TP63: variants seen among roughly 807,000 people sequenced by gnomAD.
TP63 encodes tumor protein 63.
Under a neutral mutation model 82.8 loss-of-function variants are expected in TP63, and 17 were observed. The ratio of observed to expected loss-of-function variants is 0.21; its 90% CI spans 0.14 to 0.31. TP63 has a LOEUF of 0.31. Among genes scored for constraint, TP63 ranks in the 10% least tolerant of loss-of-function variants. TP63 has a pLI of 1.00. For missense variants in TP63, 648 were observed against 895.3 expected (o/e 0.72, Z 3.52); for synonymous variants, 330 against 321.7 (o/e 1.03, Z -0.28).
intron 3 of TP63, among the ~76,000 whole-genome samples, chr3:189,757,303 G>A (rs1433919024): frequency 6.6e-6 from 1 of 152,212 alleles, no homozygotes; most frequent in Non-Finnish European, 1.5e-5. Flanking sequence ...GAAGAGGTCA[G>A]GCTCCAGAGA....
chr3:189,725,900 C>A (rs866765909), intron 1 of TP63, among the ~76,000 whole-genome samples: 8 of 152,064 alleles, frequency 5.3e-5, no homozygotes, highest in Non-Finnish European at 1.2e-4. Flanking sequence ...CTAAAAAATA[C>A]AAAAATCAGC....
chr3:189,606,504 CAT>C, the TP63 span, among the ~76,000 whole-genome samples: 23 of 122,086 alleles, frequency 1.9e-4, no homozygotes, highest in African/African-American at 6.9e-4. Context: ...CTAAGATGGC[CAT>C]TTTTTTTTTT....
At chr3:189,752,672 C>G (rs959751395) in intron 3 of TP63, among the ~76,000 whole-genome samples, 1 of 151,976 alleles carries the variant, frequency 6.6e-6, no homozygotes, top group Admixed American at 6.5e-5. Flanking sequence ...TTGATTATTT[C>G]CGGCCTTATT....
intron 1 of TP63, among the ~76,000 whole-genome samples, chr3:189,728,051 G>A (rs1007771027): frequency 6.6e-6 from 1 of 152,068 alleles, no homozygotes; most frequent in Non-Finnish European, 1.5e-5. Context: ...TTGCAAAAGT[G>A]TTGACTGTAC....
rs2108874561 is a variant in TP63 at position 189,894,425 on chromosome 3, G to C, written c.1966G>C (p.Asp656His). ...LRQTISFPPR[D>H]EWNDFNFDMD... is the part of the protein sequence containing the mutation. ...CCAGACCATCTCTTTCCCACCCCGAGATGAGTGGAATGACTTCAACTTTGA... is the reference window on the plus strand; with the variant it reads ...CCAGACCATCTCTTTCCCACCCCGACATGAGTGGAATGACTTCAACTTTGA... Residue 656 changes from aspartate to histidine, a missense_variant, in exon 14 of 14, where the codon GAT becomes CAT. Physicochemically the swap from Asp to His is moderately conservative, Grantham distance 81 (BLOSUM62 -1). This residue lies in a region of TP63 where 342 missense variants were observed against 425.7 expected (regional missense o/e 0.80). Transcript: ENST00000264731. 2.5e-6 allele frequency: 4 copies of C among 1,614,096 alleles called. No individual in the cohort carries two copies. The highest frequency in any genetic ancestry group is 2.5e-6 in the Non-Finnish European group (3 of 1,180,004).
At chr3:189,800,268 A>G (rs1465128260) in intron 3 of TP63, among the ~76,000 whole-genome samples, 1 of 152,068 alleles carries the variant, frequency 6.6e-6, no homozygotes, top group Non-Finnish European at 1.5e-5. Context: ...AGAGTTTCAA[A>G]TAGTGCCTCA....
intron 3 of TP63, among the ~76,000 whole-genome samples, chr3:189,750,043 G>C (rs1192000067): frequency 6.6e-6 from 1 of 150,402 alleles, no homozygotes; most frequent in East Asian, 2.0e-4. Context: ...AGAATCGCTT[G>C]AGCCTGGGAG....
At chr3:189,824,788 C>T (rs989427086) in intron 4 of TP63, among the ~76,000 whole-genome samples, 5 of 151,352 alleles carry the variant, frequency 3.3e-5, no homozygotes, top group Non-Finnish European at 5.9e-5. Context: ...GCTAATGTCT[C>T]CAGTTTTATG....
chr3:189,697,990 A>G (rs1717520108), intron 1 of TP63, among the ~76,000 whole-genome samples: 1 of 152,048 alleles, frequency 6.6e-6, no homozygotes, highest in African/African-American at 2.4e-5. Context: ...AACCAGTTTT[A>G]TATATTTCTT....
chr3:189,793,163 C>G (rs1270064222), intron 3 of TP63, among the ~76,000 whole-genome samples: 1 of 151,880 alleles, frequency 6.6e-6, no homozygotes, highest in Non-Finnish European at 1.5e-5. Flanking sequence ...CCAGAGGGAA[C>G]TAGGAGAAAG....
chr3:189,597,967 TAGA>T, the TP63 span, among the ~76,000 whole-genome samples: 1 of 148,058 alleles, frequency 6.8e-6, no homozygotes, highest in African/African-American at 2.5e-5. Flanking sequence ...TTTTGAAAAA[TAGA>T]AGGAGATGTA....
chr3:189,625,167 C>T, the TP63 span, among the ~76,000 whole-genome samples: 1 of 152,148 alleles, frequency 6.6e-6, no homozygotes, highest in Non-Finnish European at 1.5e-5. Flanking sequence ...AGGTACTTCC[C>T]TGGACCTTGG....
chr3:189,737,926 G>T (rs1442090119), intron 2 of TP63, 58 bp downstream of exon 2: 4 of 1,607,416 alleles, frequency 2.5e-6, no homozygotes, highest in African/African-American at 1.3e-5. Flanking sequence ...AATGTGGGTG[G>T]TCAAAATATT....
the TP63 span, among the ~76,000 whole-genome samples, chr3:189,606,638 G>A: frequency 1.7e-4 from 25 of 147,302 alleles, no homozygotes; most frequent in Non-Finnish European, 2.2e-4. Flanking sequence ...CTCAGCCTCC[G>A]TTGCACCACC....
intron 3 of TP63, among the ~76,000 whole-genome samples, chr3:189,746,723 T>C (rs544591784): frequency 2.0e-5 from 3 of 151,550 alleles, no homozygotes; most frequent in African/African-American, 7.2e-5. Flanking sequence ...AAATGGAATA[T>C]ACTTTCCACT....
upstream of TP63, among the ~76,000 whole-genome samples, chr3:189,627,223 C>T (rs1348929564): frequency 1.3e-5 from 2 of 152,280 alleles, no homozygotes; most frequent in Admixed American, 1.3e-4. Context: ...AGAACAAGTT[C>T]TGGGATATGT....
chr3:189,641,400 G>A (rs1432717696), intron 1 of TP63, among the ~76,000 whole-genome samples: 1 of 152,036 alleles, frequency 6.6e-6, no homozygotes, highest in Non-Finnish European at 1.5e-5. Flanking sequence ...AAGTAATTGT[G>A]ACTTGCTACT....
chr3:189,778,985 G>A (rs1041471727), intron 3 of TP63, among the ~76,000 whole-genome samples: 5 of 151,402 alleles, frequency 3.3e-5, no homozygotes, highest in East Asian at 3.9e-4. Context: ...CCCATAGCTC[G>A]TGTGTGTGTG....
intron 1 of TP63, among the ~76,000 whole-genome samples, chr3:189,719,048 C>T (rs1423561163): frequency 1.3e-5 from 2 of 151,916 alleles, no homozygotes; most frequent in East Asian, 1.9e-4. Context: ...ACAAATTTCT[C>T]GGTTGCCGTA....
Sources: gnomAD v4.1 joint callset for allele counts (sites outside exome capture counted in the v4.1 genomes callset) on GRCh38, gnomAD v4.1.1 for gene constraint, gnomAD v4.1.1 regional missense constraint, MANE v1.5 for transcripts, NCBI Gene and HGNC (gene_info 2026-07-23, HGNC 2026-07-21) for gene names.